The following RGS6 variants were observed in gnomAD, a reference collection of about 807,000 sequenced individuals.
The protein encoded by RGS6 is regulator of G protein signaling 6.
A neutral mutation model predicts 78.5 loss-of-function variants in RGS6; 30 were observed. The ratio of observed to expected loss-of-function variants is 0.38; its 90% CI spans 0.29 to 0.52. RGS6 has a LOEUF of 0.52. Among genes scored for constraint, RGS6 ranks in the 20% least tolerant of loss-of-function variants. The pLI is 0.85. For missense variants in RGS6, 495 were observed against 609.7 expected, an observed-to-expected ratio of 0.81 and a Z score of 1.98; for synonymous variants, 206 against 206.0, an observed-to-expected ratio of 1.00 and a Z score of 0.00.
At chr14:72,556,253 A>ACAAT (rs891068415) in intron 17 of RGS6, among the ~76,000 whole-genome samples, 20 of 152,184 alleles carry the variant, frequency 1.3e-4, no homozygotes, top group Admixed American at 1.1e-3. Context: ...CAGGAAACTT[A>ACAAT]CAATCATGGT....
intron 13 of RGS6, among the ~76,000 whole-genome samples, chr14:72,498,916 C>G (rs112122612): frequency 7.2e-5 from 11 of 152,266 alleles, no homozygotes; most frequent in African/African-American, 2.4e-4. Flanking sequence ...GATCAATTGC[C>G]AAGGTTCCCC....
At position 72,460,304 on chromosome 14, in the gene RGS6, T is replaced by G. The variant is rs531357511; in HGVS notation, c.394+621T>G. Among the ~76,000 whole-genome samples, 55 of 152,274 alleles carry G rather than the reference T, an allele frequency of 3.6e-4. No homozygotes were observed. In the South Asian group the frequency reaches 7.1e-3, roughly 20 times the overall value. On this transcript the variant is annotated intron_variant, in intron 6 of 17. Transcript: ENST00000553525. ...CTATATGCCAATTCTCTGAAGAAGT[T>G]TTATTATCGCTATGCTTAAGAGAAA...
rs184200370 is a variant in RGS6, at chr14:72,013,200, G to A, written c.84+48325G>A. ...GCAGGAGAATCTCTTGAACCTGGGA[G>A]GTGGGGGTTGCAGTGAGCCAAGATC... On this transcript the variant is annotated intron_variant, in intron 2 of 17. Coordinates refer to ENST00000553525, the MANE Select transcript of RGS6 (RefSeq NM_001204424.2). 2.1e-3 allele frequency among the ~76,000 whole-genome samples: 303 copies of A among 146,784 alleles called. 2 individuals are homozygous for A. Among genetic ancestry groups the A allele is most frequent in the African/African-American group, 7.2e-3 (288 of 39,958 alleles).
At chr14:72,486,047 T>C (rs1448428762) in intron 12 of RGS6, among the ~76,000 whole-genome samples, 2 of 152,196 alleles carry the variant, frequency 1.3e-5, no homozygotes, top group Non-Finnish European at 2.9e-5. Flanking sequence ...TTTTCCCCCA[T>C]GCTATGCTCA....
intron 13 of RGS6, among the ~76,000 whole-genome samples, chr14:72,500,623 C>T (rs2096711386): frequency 6.6e-6 from 1 of 152,236 alleles, no homozygotes; most frequent in Non-Finnish European, 1.5e-5. Context: ...CAGAACTCCT[C>T]CTTGCTTGGC....
chr14:71,923,140 G>A, the RGS6 span, among the ~76,000 whole-genome samples: 11 of 152,140 alleles, frequency 7.2e-5, no homozygotes, highest in African/African-American at 2.4e-4. Context: ...GAAATGGAAC[G>A]GCCATGATTA....
At chr14:72,275,267 A>C (rs1567638992) in intron 2 of RGS6, among the ~76,000 whole-genome samples, 2 of 152,228 alleles carry the variant, frequency 1.3e-5, no homozygotes, top group Non-Finnish European at 2.9e-5. Flanking sequence ...AGAAATGTTA[A>C]AAGGAGATGG....
intron 4 of RGS6, among the ~76,000 whole-genome samples, chr14:72,456,677 T>C (rs2095639333): frequency 6.6e-6 from 1 of 152,170 alleles, no homozygotes; most frequent in Non-Finnish European, 1.5e-5. Flanking sequence ...GGCATGAAAG[T>C]CACCTTCCTA....
intron 2 of RGS6, among the ~76,000 whole-genome samples, chr14:72,275,493 C>T (rs893556294): frequency 1.3e-5 from 2 of 152,152 alleles, no homozygotes; most frequent in African/African-American, 4.8e-5. Context: ...AACTGAAATC[C>T]AGGCTACAGA....
rs137885848 is a variant in RGS6 at position 72,125,018 on chromosome 14, A to C, written c.84+160143A>C. Among the ~76,000 whole-genome samples, 489 of 152,320 alleles carry C rather than the reference A, an allele frequency of 3.2e-3. 2 individuals are homozygous for C. Among genetic ancestry groups the C allele is most frequent in the Non-Finnish European group, 4.6e-3 (315 of 68,024 alleles). On this transcript the variant is annotated intron_variant, in intron 2 of 17. Coordinates refer to ENST00000553525, the MANE Select transcript of RGS6 (RefSeq NM_001204424.2). The stretch of plus-strand genomic sequence containing the variant: ...GATTTTCCATTATAATCTTTTGCAA[A>C]GGTTCTCTTTCACTAGTTAACAAAT...
At chr14:72,613,276 C>T in the RGS6 span, among the ~76,000 whole-genome samples, 3 of 152,168 alleles carry the variant, frequency 2.0e-5, no homozygotes, top group Admixed American at 2.0e-4. Flanking sequence ...CCGTCCCCAC[C>T]ATGGCCGCGT....
At chr14:72,504,032 C>T (rs368336461) in intron 13 of RGS6, among the ~76,000 whole-genome samples, 107 of 152,220 alleles carry the variant, frequency 7.0e-4, no homozygotes, top group Non-Finnish European at 1.2e-3. Context: ...ATTGAAGAGA[C>T]GAGTTGATCC....
chr14:72,587,230 A>G, the RGS6 span, among the ~76,000 whole-genome samples: 3 of 151,566 alleles, frequency 2.0e-5, no homozygotes, highest in Admixed American at 6.6e-5. Flanking sequence ...AGAACTGAAA[A>G]CCACATCCAT....
At chr14:72,025,162 G>C (rs1449502573) in intron 2 of RGS6, among the ~76,000 whole-genome samples, 1 of 152,132 alleles carries the variant, frequency 6.6e-6, no homozygotes, top group Non-Finnish European at 1.5e-5. Context: ...ATTTTGCTAG[G>C]ACTGGACTTA....
chr14:72,068,496 C>CTG (rs1567139516), intron 2 of RGS6, among the ~76,000 whole-genome samples: 1 of 91,334 alleles, frequency 1.1e-5, no homozygotes, highest in Non-Finnish European at 2.1e-5. Context: ...CCCACTCTTC[C>CTG]TATTTTTTTT....
chr14:71,907,332 T>C, the RGS6 span, among the ~76,000 whole-genome samples: 3 of 152,174 alleles, frequency 2.0e-5, no homozygotes, highest in African/African-American at 4.8e-5. Flanking sequence ...AAGTGATTAC[T>C]GGATTGAGAT....
At position 72,144,775 on chromosome 14, in the gene RGS6, C is replaced by A. The variant is rs1463110192; in HGVS notation, c.84+179900C>A. Among the ~76,000 whole-genome samples the A allele has an allele frequency of 4.7e-5, 7 of 148,622 alleles. No homozygotes were observed. In the East Asian group the frequency reaches 1.4e-3, roughly 29 times the overall value. On this transcript the variant is annotated intron_variant, in intron 2 of 17. Transcript: ENST00000553525. ...TTTTTTTTTTTTTGAAGCGGTATAA[C>A]CACCCAGTGGGTTCACATTGCCTGC...
At chr14:72,135,464 C>T (rs1228332114) in intron 2 of RGS6, among the ~76,000 whole-genome samples, 2 of 152,140 alleles carry the variant, frequency 1.3e-5, no homozygotes, top group African/African-American at 4.8e-5. Context: ...CTAAACTTCT[C>T]TGAGTCTTGT....
At chr14:71,900,629 A>G in the RGS6 span, among the ~76,000 whole-genome samples, 126,321 of 152,098 alleles carry the variant, frequency 0.83, 52,660 homozygotes, top group African/African-American at 0.85. Flanking sequence ...ATGAGGGCAA[A>G]GACTATATCT....
Sources: gnomAD v4.1 joint callset for allele counts (sites outside exome capture counted in the v4.1 genomes callset) on GRCh38, gnomAD v4.1.1 for gene constraint, MANE v1.5 for transcripts, NCBI Gene and HGNC (gene_info 2026-07-23, HGNC 2026-07-21) for gene names.